The following SMURF1 variants were observed in gnomAD, a reference collection of about 807,000 sequenced individuals.
The protein encoded by SMURF1 is E3 ubiquitin-protein ligase SMURF1.
A neutral mutation model predicts 98.0 loss-of-function variants in SMURF1; 44 were observed. The observed-to-expected ratio is 0.45, with a 90% confidence interval of 0.35 to 0.58. The LOEUF (loss-of-function observed/expected upper bound fraction) is 0.58, where lower values mean the gene tolerates loss of function less well. Among genes scored for constraint, SMURF1 ranks in the 20% least tolerant of loss-of-function variants. The probability of loss-of-function intolerance (pLI) is 0.00; values close to 1 mark genes in which losing one functional copy is unlikely to be tolerated. For missense variants in SMURF1, 687 were observed against 938.4 expected (o/e 0.73, Z 3.50); for synonymous variants, 396 against 374.9 (o/e 1.06, Z -0.65).
At chr7:99,073,204 C>T (rs1796370370) in intron 1 of SMURF1, among the ~76,000 whole-genome samples, 1 of 151,460 alleles carries the variant, frequency 6.6e-6, no homozygotes, top group African/African-American at 2.4e-5. Flanking sequence ...GGTAAAACCC[C>T]GTCTCTACTA....
At chr7:99,110,429 A>C (rs1203436559) in intron 1 of SMURF1, among the ~76,000 whole-genome samples, 4 of 152,220 alleles carry the variant, frequency 2.6e-5, no homozygotes, top group Non-Finnish European at 4.4e-5. Context: ...GGGAAGAATC[A>C]GGGAACTAGA....
chr7:99,101,913 G>A (rs1404586981), intron 1 of SMURF1, among the ~76,000 whole-genome samples: 4 of 147,818 alleles, frequency 2.7e-5, no homozygotes, highest in Non-Finnish European at 5.9e-5. Context: ...CAGCCTGGGC[G>A]ACAGAGCACG....
At chr7:99,055,876 G>A (rs1297760129) in intron 5 of SMURF1, among the ~76,000 whole-genome samples, 1 of 152,188 alleles carries the variant, frequency 6.6e-6, no homozygotes, top group Non-Finnish European at 1.5e-5. Flanking sequence ...TGAGGCAGGA[G>A]AATCGCTTAA....
At chr7:99,077,629 G>A (rs947358802) in intron 1 of SMURF1, among the ~76,000 whole-genome samples, 4 of 152,050 alleles carry the variant, frequency 2.6e-5, no homozygotes, top group African/African-American at 7.2e-5. Flanking sequence ...ACTGCGCCTG[G>A]CCTCTTAATC....
chr7:99,142,333 G>A (rs1169939133), intron 1 of SMURF1, among the ~76,000 whole-genome samples: 1 of 152,104 alleles, frequency 6.6e-6, no homozygotes, highest in Non-Finnish European at 1.5e-5. Flanking sequence ...TGCTGAGTGT[G>A]GGGGTGATGG....
In SMURF1 at chr7:99,143,883, G is replaced by A; in HGVS notation, c.-103C>T. 9.1e-7 allele frequency: 1 copy of A among 1,104,098 alleles called. No homozygotes were observed. The highest frequency in any genetic ancestry group is 1.2e-6 in the Non-Finnish European group (1 of 830,614). 68.4% of individuals were successfully genotyped at this position (1,104,098 alleles called of 1,614,324 possible). ...GCCTCAAGGTTACGGCTCCGGGCTG[G>A]GCGCCGGGGTCCGAGCCGGGACACA... is the stretch of plus-strand genomic sequence containing the variant. On this transcript the variant is annotated 5_prime_UTR_variant, in exon 1 of 18. Coordinates refer to ENST00000361368, the MANE Select transcript of SMURF1 (RefSeq NM_181349.3).
chr7:99,084,084 C>T (rs547867941), intron 1 of SMURF1, among the ~76,000 whole-genome samples: 3 of 152,358 alleles, frequency 2.0e-5, no homozygotes, highest in African/African-American at 7.2e-5. Context: ...AGACTGCACA[C>T]ATTGAACCAC....
At chr7:99,062,095 T>C (rs1796046305) in intron 1 of SMURF1, among the ~76,000 whole-genome samples, 1 of 151,856 alleles carries the variant, frequency 6.6e-6, no homozygotes, top group Admixed American at 6.6e-5. Context: ...TTGATCAATA[T>C]ACTTTTTTTT....
intron 1 of SMURF1, among the ~76,000 whole-genome samples, chr7:99,114,984 C>G (rs1236073156): frequency 6.6e-6 from 1 of 151,736 alleles, no homozygotes; most frequent in Non-Finnish European, 1.5e-5. Context: ...TGGCATATAA[C>G]AAAAGCAGTG....
intron 12 of SMURF1, among the ~76,000 whole-genome samples, chr7:99,041,005 G>A (rs1000529185): frequency 4.6e-5 from 7 of 152,074 alleles, no homozygotes; most frequent in African/African-American, 7.2e-5. Context: ...CCACTCCCTC[G>A]ATCCAGAACG....
intron 16 of SMURF1, among the ~76,000 whole-genome samples, chr7:99,033,937 G>A (rs1795019809): frequency 6.6e-6 from 1 of 152,262 alleles, no homozygotes; most frequent in Admixed American, 6.5e-5. Context: ...CCTTGGCTCT[G>A]CTGCCCCTTG....
intron 3 of SMURF1, among the ~76,000 whole-genome samples, chr7:99,059,200 C>T (rs944636311): frequency 6.6e-6 from 1 of 151,042 alleles, no homozygotes; most frequent in Admixed American, 6.6e-5. Flanking sequence ...GAGATCGAGA[C>T]CATCCCGGCT....
intron 1 of SMURF1, among the ~76,000 whole-genome samples, chr7:99,143,055 G>A (rs1798167112): frequency 6.7e-6 from 1 of 149,612 alleles, no homozygotes; most frequent in Non-Finnish European, 1.5e-5. Context: ...GAGGGCCCAG[G>A]CTAGGAAAGA....
intron 17 of SMURF1, 68 bp from the exon 18 acceptor site, chr7:99,030,751 A>G (rs1292451627): frequency 8.0e-7 from 1 of 1,256,264 alleles, no homozygotes; most frequent in Non-Finnish European, 1.2e-6. Flanking sequence ...AAGGCCAAGG[A>G]CAGGCAGTGA....
intron 10 of SMURF1, among the ~76,000 whole-genome samples, chr7:99,046,961 C>T (rs1795602885): frequency 6.6e-6 from 1 of 152,148 alleles, no homozygotes; most frequent in African/African-American, 2.4e-5. Flanking sequence ...CCCAGTGCTC[C>T]CTTAGTGCTG....
At chr7:99,038,106 C>A (rs1215531278) in intron 14 of SMURF1, among the ~76,000 whole-genome samples, 1 of 152,036 alleles carries the variant, frequency 6.6e-6, no homozygotes, top group African/African-American at 2.4e-5. Context: ...CTCTCCTTTG[C>A]CCCCCACCTT....
chr7:99,087,601 G>A (rs11771319), intron 1 of SMURF1, among the ~76,000 whole-genome samples: 10,017 of 152,188 alleles, frequency 0.066, 459 homozygotes, highest in Non-Finnish European at 0.098. Context: ...TAGTGTCTGG[G>A]CATAAGAGTT....
At chr7:99,092,998 G>A (rs958677989) in intron 1 of SMURF1, among the ~76,000 whole-genome samples, 3 of 152,074 alleles carry the variant, frequency 2.0e-5, no homozygotes, top group Non-Finnish European at 4.4e-5. Flanking sequence ...TGTCAGAGCT[G>A]GTACTCGCCA....
intron 17 of SMURF1, among the ~76,000 whole-genome samples, chr7:99,032,420 G>A (rs1209825137): frequency 6.6e-6 from 1 of 152,224 alleles, no homozygotes; most frequent in South Asian, 2.1e-4. Context: ...TGTAATCTCA[G>A]CACTTTGGGA....
Sources: allele counts gnomAD v4.1 joint callset (sites outside exome capture counted in the v4.1 genomes callset), GRCh38; gene constraint gnomAD v4.1.1; transcripts MANE v1.5; gene names NCBI Gene and HGNC (gene_info 2026-07-23, HGNC 2026-07-21).